SGCB: variants seen among roughly 807,000 people sequenced by gnomAD.
SGCB encodes the protein sarcoglycan beta.
A neutral mutation model predicts 27.3 loss-of-function variants in SGCB; 25 were observed. That is an observed-to-expected ratio of 0.92 (90% CI 0.67 to 1.28). SGCB has a LOEUF of 1.28. Among genes scored for constraint, SGCB ranks in the 50% most tolerant of loss-of-function variants. The pLI, the probability that SGCB is intolerant of heterozygous loss-of-function variation, is 0.00. For synonymous variants in SGCB, 147 were observed against 133.5 expected (o/e 1.10, Z -0.70); for missense variants, 436 against 402.1 (o/e 1.08, Z -0.72).
At position 52,028,053 on chromosome 4, in the gene SGCB, C is replaced by T. The variant is rs754898211; in HGVS notation, c.668G>A (p.Arg223His). Residue 223 changes from arginine (R) to histidine (H), a missense_variant, in exon 5 of 6, where the codon CGT becomes CAT. Physicochemically the swap from Arg to His is conservative, Grantham distance 29 (BLOSUM62 0). Coordinates refer to ENST00000381431, the MANE Select transcript of SGCB (RefSeq NM_000232.5). ...TSDLNIKVDG[R>H]AIVRGNEGVF... ...ACCTTCATTTCCACGCACAATAGCA[C>T]GCCCATCAACTTTTATATTTAAATC... The T allele has an allele frequency of 1.2e-5, 19 of 1,612,942 alleles. No individual in the cohort carries two copies. The highest frequency in any genetic ancestry group is 4.5e-5 in the East Asian group (2 of 44,834).
At chr4:52,035,898 G>A (rs770494520) in intron 1 of SGCB, among the ~76,000 whole-genome samples, 2 of 152,158 alleles carry the variant, frequency 1.3e-5, no homozygotes, top group Admixed American at 6.5e-5. Context: ...CTGAGACGTA[G>A]TCTTTACTCT....
intron 2 of SGCB, among the ~76,000 whole-genome samples, chr4:52,032,889 A>G (rs1737288458): frequency 1.3e-5 from 2 of 152,240 alleles, no homozygotes; most frequent in Non-Finnish European, 2.9e-5. Flanking sequence ...TGGAAAAGGC[A>G]TCCTATCAGG....
At chr4:52,034,875 C>A (rs1360279740) in intron 1 of SGCB, among the ~76,000 whole-genome samples, 1 of 152,122 alleles carries the variant, frequency 6.6e-6, no homozygotes, top group Non-Finnish European at 1.5e-5. Flanking sequence ...GCTACATGAC[C>A]AATGTGATGG....
chr4:52,029,064 G>C, intron 3 of SGCB, 143 bp from the exon 4 acceptor site: 4 of 646,150 alleles, frequency 6.2e-6, no homozygotes, highest in Non-Finnish European at 1.1e-5. Flanking sequence ...GTTTAACTCT[G>C]TCTGTTCTCC....
At chr4:52,030,833 T>C (rs1432285036) in intron 2 of SGCB, among the ~76,000 whole-genome samples, 1 of 152,212 alleles carries the variant, frequency 6.6e-6, no homozygotes, top group Non-Finnish European at 1.5e-5. Context: ...CTAAGCAATG[T>C]ATGAGAAGTA....
Position 52,037,983 on chromosome 4 carries a change from C to G in SGCB, c.33+244G>C, listed in dbSNP as rs71595672. Among the ~76,000 whole-genome samples the G allele has an allele frequency of 0.019, 2,923 of 152,264 alleles. 50 individuals carry two copies. The highest frequency in any genetic ancestry group is 0.038 in the African/African-American group (1,574 of 41,572). On this transcript the variant is annotated intron_variant, in intron 1 of 5. Coordinates refer to ENST00000381431, the MANE Select transcript of SGCB (RefSeq NM_000232.5). ...TCCGGAAGGAGACCCCTCCTCACCC[C>G]CTCCGAGGATCAGCCAGGCCGGGCC...
At chr4:52,033,942 A>G (rs1032585653) in intron 1 of SGCB, among the ~76,000 whole-genome samples, 15 of 152,148 alleles carry the variant, frequency 9.9e-5, no homozygotes, top group African/African-American at 3.6e-4. Context: ...TATAGTGAGT[A>G]ACTGCTTTTA....
At chr4:52,033,288 G>GT (rs1433255341) in intron 2 of SGCB, 143 bp downstream of exon 2, 3 of 655,278 alleles carry the variant, frequency 4.6e-6, no homozygotes, top group Non-Finnish European at 8.0e-6. Flanking sequence ...TAGCACACTA[G>GT]TTTTTTTAAT....
Position 52,028,827 on chromosome 4 carries a change from G to A in SGCB, c.524C>T (p.Thr175Ile). The change falls in exon 4 of 6, where the codon ACT becomes ATT. Residue 175 changes from threonine to isoleucine, a missense_variant. Thr to Ile is a moderately conservative substitution (Grantham distance 89). Coordinates refer to ENST00000381431, the MANE Select transcript of SGCB (RefSeq NM_000232.5). ...DIGMQFFDPR[T>I]QNILFSTDYE... ...GTCTGTGCTGAATAAGATATTTTGA[G>A]TCCTCGGGTCAAAAAACTGCATGCC... 6.2e-7 allele frequency: 1 copy of A among 1,613,068 alleles called. No individual in the cohort carries two copies. Among genetic ancestry groups the A allele is most frequent in the East Asian group, 2.2e-5 (1 of 44,858 alleles).
At chr4:52,024,248 G>A in intron 5 of SGCB, 88 bp from the exon 6 acceptor site, 3 of 990,032 alleles carry the variant, frequency 3.0e-6, no homozygotes, top group Non-Finnish European at 1.6e-6. Context: ...AAATATCAAT[G>A]AGAAAAGCAA....
Position 52,038,277 on chromosome 4 carries a change from C to A in SGCB, c.-18G>T. ...GCCGCCATCTTCCCGCGCCCGCCGC[C>A]GCCGAGCTCCCCGCCCGACTGTGCC... On this transcript the variant is annotated 5_prime_UTR_variant, in exon 1 of 6. Coordinates refer to ENST00000381431, the MANE Select transcript of SGCB (RefSeq NM_000232.5). 1 of 1,293,804 alleles carries A rather than the reference C, an allele frequency of 7.7e-7. No individual in the cohort carries two copies. Among genetic ancestry groups the A allele is most frequent in the Non-Finnish European group, 9.8e-7 (1 of 1,018,908 alleles). The allele number at this position is 1,293,804 out of a possible 1,614,324, so 80.1% of individuals were successfully genotyped here. A position where few individuals can be genotyped will look rare whatever the true frequency, so the allele number is the denominator to read the frequency against.
intron 5 of SGCB, among the ~76,000 whole-genome samples, chr4:52,025,172 G>A (rs1737054430): frequency 6.6e-6 from 1 of 152,146 alleles, no homozygotes; most frequent in Non-Finnish European, 1.5e-5. Context: ...CAAAGCCCAA[G>A]TTCTTATTGA....
chr4:52,027,941 C>A lies in SGCB; in HGVS notation c.753+27G>T, dbSNP rs183173108. ...TTATGTACCCAAGAACCTAATAATT[C>A]TCTTAAGCTCTTAAAAGAATACTCA... On this transcript the variant is annotated intron_variant, in intron 5 of 5. Transcript: ENST00000381431. The A allele has an allele frequency of 6.9e-6, 11 of 1,602,090 alleles. No homozygotes were observed. The East Asian group carries it at 1.1e-4, about 16-fold the overall frequency.
At chr4:52,024,356 C>A (rs896477258) in intron 5 of SGCB, among the ~76,000 whole-genome samples, 196 bp from the exon 6 acceptor site, 6 of 152,194 alleles carry the variant, frequency 3.9e-5, no homozygotes, top group Middle Eastern at 3.4e-3. Context: ...TTCATATATC[C>A]ATAACATATG....
chr4:52,036,796 A>AC (rs1183997784), intron 1 of SGCB, among the ~76,000 whole-genome samples: 7 of 152,234 alleles, frequency 4.6e-5, no homozygotes, highest in Non-Finnish European at 1.0e-4. Flanking sequence ...CAAGCCCAGG[A>AC]CAGCAGAACA....
intron 3 of SGCB, 102 bp downstream of exon 3, chr4:52,029,576 G>A (rs1737195682): frequency 1.4e-6 from 1 of 715,574 alleles, no homozygotes; most frequent in Non-Finnish European, 2.5e-6. Flanking sequence ...ATTTTTCTAA[G>A]GGAAAATATC....
chr4:52,029,793 C>G lies in SGCB; in HGVS notation c.314G>C (p.Ser105Thr), dbSNP rs1737203529. The G allele has an allele frequency of 1.2e-6, 2 of 1,613,546 alleles. No individual in the cohort carries two copies. The highest frequency in any genetic ancestry group is 1.7e-5 in the Admixed American group (1 of 59,986). ...TACTTGCTTAAATCGAAGCAGGCCA[C>G]TTTCATGAAACTCCATACTATCACA... The part of the protein sequence containing the change: ...NGCDSMEFHE[S>T]GLLRFKQVSD... Residue 105 changes from serine (S) to threonine (T), a missense_variant, in exon 3 of 6, where the codon AGT becomes ACT. Transcript: ENST00000381431.
At chr4:52,034,603 G>C (rs921910624) in intron 1 of SGCB, among the ~76,000 whole-genome samples, 1 of 151,810 alleles carries the variant, frequency 6.6e-6, no homozygotes, top group African/African-American at 2.4e-5. Context: ...ATCCTTTGGG[G>C]GTCCTGAGAC....
At position 52,033,515 on chromosome 4, in the gene SGCB, G is replaced by A. The variant is rs761120927; in HGVS notation, c.159C>T (p.His53=). ...GYIPIDEDRL[H]KTGLRGRKGN... Reference sequence around the variant, plus strand: ...CCTTTCTTCCTCTCAACCCTGTTTTGTGGAGACGATCTTCATCAATCGGAA... The same window carrying A: ...CCTTTCTTCCTCTCAACCCTGTTTTATGGAGACGATCTTCATCAATCGGAA... The change falls in exon 2 of 6, where the codon CAC becomes CAT. Residue 53 remains histidine, a synonymous_variant. Coordinates refer to ENST00000381431, the MANE Select transcript of SGCB (RefSeq NM_000232.5). 1.9e-6 allele frequency: 3 copies of A among 1,613,842 alleles called. No individual in the cohort carries two copies. Among genetic ancestry groups the A allele is most frequent in the Non-Finnish European group, 2.5e-6 (3 of 1,179,806 alleles).
Sources: allele counts gnomAD v4.1 joint callset (sites outside exome capture counted in the v4.1 genomes callset), GRCh38; gene constraint gnomAD v4.1.1; transcripts MANE v1.5; gene names NCBI Gene and HGNC (gene_info 2026-07-23, HGNC 2026-07-21).